Variants in GNG7 observed in about 807,000 individuals in gnomAD.
The protein encoded by GNG7 is G protein subunit gamma 7.
A neutral mutation model predicts 4.0 loss-of-function variants in GNG7; 1 was observed. The ratio of observed to expected loss-of-function variants is 0.25; its 90% CI spans 0.09 to 1.18. GNG7 has a LOEUF of 1.18. Among genes scored for constraint, GNG7 ranks in the 50% most tolerant of loss-of-function variants. The pLI, the probability that GNG7 is intolerant of heterozygous loss-of-function variation, is 0.50. For synonymous variants in GNG7, 34 were observed against 36.9 expected (o/e 0.92, Z 0.29); for missense variants, 86 against 91.9 (o/e 0.94, Z 0.26).
chr19:2,618,712 C>A lies in GNG7; in HGVS notation c.-78+27512G>T, dbSNP rs1243732915. Among the ~76,000 whole-genome samples, 1 of 151,916 alleles carries A rather than the reference C, an allele frequency of 6.6e-6. No homozygotes were observed. On this transcript the variant is annotated intron_variant, in intron 2 of 4. Transcript: ENST00000382159. This position sits in a 1 kb window ranked among gnomAD's most constrained non-coding sequence, Gnocchi z 5.1. ...TAATTTTAGATTTACAGGAAAGTTG[C>A]AAAGAGAGAGTCCCCGCCCACGCCT...
intron 1 of GNG7, among the ~76,000 whole-genome samples, chr19:2,659,341 G>T (rs1305581654): frequency 1.3e-5 from 2 of 150,662 alleles, no homozygotes; most frequent in South Asian, 4.2e-4. Context: ...CACTTTGAGA[G>T]GCTGAGATGG....
In GNG7 at chr19:2,657,364, ATATATATATATATATATAT is replaced by A. The variant is rs1983021060; in HGVS notation, c.-134-11103_-134-11085del. On this transcript the variant is annotated intron_variant, in intron 1 of 4. Transcript: ENST00000382159. ...AAAAAAAAAAAAAAAAAAAAAAAAT[ATATATATATATATATATAT>A]ATATATATATATATATACACATAAT... Among the ~76,000 whole-genome samples the A allele has an allele frequency of 1.9e-3, 34 of 17,438 alleles. 4 individuals are homozygous for A. The highest frequency in any genetic ancestry group is 0.014 in the South Asian group (6 of 418). The allele number at this position is 17,438 out of a possible 152,430, so 11.4% of individuals were successfully genotyped here. A position where few individuals can be genotyped will look rare whatever the true frequency, so the allele number is the denominator to read the frequency against.
intron 3 of GNG7, among the ~76,000 whole-genome samples, chr19:2,534,251 T>C (rs1234337050): frequency 1.3e-5 from 2 of 152,134 alleles, no homozygotes; most frequent in Non-Finnish European, 2.9e-5. Flanking sequence ...GATGTCCACT[T>C]CAGCAGTGCT....
chr19:2,622,436 C>T (rs1981902762), intron 2 of GNG7, among the ~76,000 whole-genome samples: 1 of 152,232 alleles, frequency 6.6e-6, no homozygotes, highest in African/African-American at 2.4e-5. Context: ...AGTCAATGGT[C>T]AGTAATGAGG....
chr19:2,600,290 G>A (rs981002312), intron 2 of GNG7, among the ~76,000 whole-genome samples: 1 of 151,122 alleles, frequency 6.6e-6, no homozygotes, highest in Non-Finnish European at 1.5e-5. Context: ...AGGGGAAATA[G>A]TGGCATTGTT....
intron 2 of GNG7, among the ~76,000 whole-genome samples, chr19:2,568,328 T>C (rs139346135): frequency 1.0e-3 from 142 of 142,158 alleles, no homozygotes; most frequent in African/African-American, 3.7e-3. Flanking sequence ...CACACACATA[T>C]ACACACATAT....
intron 3 of GNG7, among the ~76,000 whole-genome samples, chr19:2,542,678 T>C (rs542277714): frequency 1.2e-4 from 18 of 152,238 alleles, no homozygotes; most frequent in African/African-American, 3.6e-4. Context: ...CCACCACATA[T>C]GCAGTAGTTT....
intron 4 of GNG7, among the ~76,000 whole-genome samples, chr19:2,518,829 C>T (rs1599369548): frequency 6.6e-6 from 1 of 152,010 alleles, no homozygotes; most frequent in Non-Finnish European, 1.5e-5. Context: ...GAGTCTCACC[C>T]TGTCGCTTGG....
chr19:2,671,357 C>G (rs1217790879), intron 1 of GNG7, among the ~76,000 whole-genome samples: 1 of 152,112 alleles, frequency 6.6e-6, no homozygotes, highest in African/African-American at 2.4e-5. Context: ...ACACCGGTGG[C>G]TCTGAGCCTC....
chr19:2,647,313 C>G (rs1215373566), intron 1 of GNG7, among the ~76,000 whole-genome samples: 4 of 152,194 alleles, frequency 2.6e-5, no homozygotes, highest in Non-Finnish European at 5.9e-5. Context: ...GCTGTTGTCC[C>G]AGCTCGCTGC....
chr19:2,693,594 G>T (rs1913181799), intron 1 of GNG7, among the ~76,000 whole-genome samples: 1 of 152,036 alleles, frequency 6.6e-6, no homozygotes, highest in African/African-American at 2.4e-5. Flanking sequence ...GGGCACTGTG[G>T]ACATCGGAGC....
intron 1 of GNG7, among the ~76,000 whole-genome samples, chr19:2,694,177 T>C (rs1432576493): frequency 6.6e-6 from 1 of 151,836 alleles, no homozygotes; most frequent in East Asian, 1.9e-4. Flanking sequence ...TATCTGGAAT[T>C]GGTGACACTA....
rs1340522102 is a variant in GNG7, at chr19:2,557,654, C to T, written c.-77-2466G>A. On this transcript the variant is annotated intron_variant, in intron 2 of 4. Coordinates refer to ENST00000382159, the MANE Select transcript of GNG7 (RefSeq NM_052847.3). The surrounding 1 kb of genome is among the most constrained non-coding windows in gnomAD (Gnocchi z 5.1). ...AAAGTGCGATGTGCCCAGGCCAGCC[C>T]GGTGTGACCTCAGCTCCTGATCCAT... Among the ~76,000 whole-genome samples the T allele has an allele frequency of 4.6e-5, 7 of 152,088 alleles. No individual in the cohort carries two copies. In the East Asian group the frequency reaches 1.2e-3, roughly 25 times the overall value.
intron 2 of GNG7, among the ~76,000 whole-genome samples, chr19:2,555,961 C>T (rs1393993262): frequency 1.3e-5 from 2 of 152,188 alleles, no homozygotes; most frequent in Admixed American, 1.3e-4. Flanking sequence ...CGAGGGGGGC[C>T]CACGGGGACC....
chr19:2,613,609 G>T (rs1981635328), intron 2 of GNG7, among the ~76,000 whole-genome samples: 1 of 152,038 alleles, frequency 6.6e-6, no homozygotes, highest in Non-Finnish European at 1.5e-5. Context: ...AGTCTCTTGG[G>T]GAATCTGTGG....
At chr19:2,536,952 ATT>A (rs11288292) in intron 3 of GNG7, among the ~76,000 whole-genome samples, 1 of 108,826 alleles carries the variant, frequency 9.2e-6, no homozygotes. Flanking sequence ...TTTTATTTTT[ATT>A]TTTTTTTTTT....
At chr19:2,524,275 G>C (rs4807288) in intron 3 of GNG7, among the ~76,000 whole-genome samples, 80,948 of 152,142 alleles carry the variant, frequency 0.53, 22,398 homozygotes, top group East Asian at 0.71. Context: ...GCGAGATGCT[G>C]CCTTTGGGCT....
At position 2,674,732 on chromosome 19, in the gene GNG7, G is replaced by A. The variant is rs141065483; in HGVS notation, c.-135+27914C>T. Among the ~76,000 whole-genome samples, 877 of 152,324 alleles carry A rather than the reference G, an allele frequency of 5.8e-3. 5 individuals carry two copies. The highest frequency in any genetic ancestry group is 9.3e-3 in the Non-Finnish European group (631 of 68,038). On this transcript the variant is annotated intron_variant, in intron 1 of 4. Transcript: ENST00000382159. ...ATTACAGGCGTGAGCTACTGCGTCTGGCCTGCAAGGTGACTGTTTTAAAAC... is the reference window on the plus strand; with the variant it reads ...ATTACAGGCGTGAGCTACTGCGTCTAGCCTGCAAGGTGACTGTTTTAAAAC...
rs139249433 is a variant in GNG7, at chr19:2,520,637, G to A, written c.52C>T (p.Arg18Cys). Residue 18 changes from arginine to cysteine, a missense_variant, in exon 4 of 5, where the codon CGC becomes TGC. Physicochemically the swap from Arg to Cys is radical, Grantham distance 180 (BLOSUM62 -3). Transcript: ENST00000382159. ...AQARKLVEQL[R>C]IEAGIERIKV... ...ATGCGCTCAATCCCGGCTTCTATGCGTAGCTGTTCCACCAGCTTCCGGGCC... is the reference window on the plus strand; with the variant it reads ...ATGCGCTCAATCCCGGCTTCTATGCATAGCTGTTCCACCAGCTTCCGGGCC... 6.4e-6 allele frequency: 10 copies of A among 1,552,000 alleles called. No homozygotes were observed. The highest frequency in any genetic ancestry group is 2.7e-5 in the African/African-American group (2 of 73,592).
Sources: gnomAD v4.1 joint callset for allele counts (sites outside exome capture counted in the v4.1 genomes callset) on GRCh38, gnomAD v4.1.1 for gene constraint, Gnocchi (gnomAD v3.1) non-coding constraint, MANE v1.5 for transcripts, NCBI Gene and HGNC (gene_info 2026-07-23, HGNC 2026-07-21) for gene names.